Variants in TTC12 observed in about 807,000 individuals in gnomAD.
TTC12 encodes the protein tetratricopeptide repeat domain 12.
In TTC12, 70 loss-of-function variants were observed where a neutral mutation model predicts 90.1. The ratio of observed to expected loss-of-function variants is 0.78; its 90% CI spans 0.64 to 0.95. The LOEUF (loss-of-function observed/expected upper bound fraction) is 0.95. TTC12 is among the 40% of genes least tolerant of loss of function. The pLI is 0.00. For synonymous variants in TTC12, 296 were observed against 311.5 expected, an observed-to-expected ratio of 0.95 and a Z score of 0.53; for missense variants, 819 against 846.1, an observed-to-expected ratio of 0.97 and a Z score of 0.40.
At position 113,324,521 on chromosome 11, in the gene TTC12, A is replaced by C. The variant is rs1555140137; in HGVS notation, c.245-84A>C. On this transcript the variant is annotated intron_variant, in intron 4 of 21. Coordinates refer to ENST00000529221, the MANE Select transcript of TTC12 (RefSeq NM_017868.4). ...GTGCATATGCATACGTGTGGCTCTA[A>C]AGTAACACTTCGAATTTGAGCTAAA... 3 of 1,164,428 alleles carry C rather than the reference A, an allele frequency of 2.6e-6. No homozygotes were observed. In the African/African-American group the frequency reaches 4.6e-5, roughly 18 times the overall value. The allele number at this position is 1,164,428 out of a possible 1,614,324, so 72.1% of individuals were successfully genotyped here.
At chr11:113,362,354 G>C in intron 18 of TTC12, 47 bp from the exon 19 acceptor site, 1 of 1,431,572 alleles carries the variant, frequency 7.0e-7, no homozygotes, top group Non-Finnish European at 9.8e-7. Context: ...AAGGTTGTCA[G>C]CATTTCTGAA....
At chr11:113,370,363 C>G (rs80328901), downstream of TTC12, among the ~76,000 whole-genome samples, 593 of 152,346 alleles carry the variant, frequency 3.9e-3, 5 homozygotes, top group African/African-American at 0.013. Context: ...CTGCATCCCC[C>G]TACCCTCCCT....
intron 18 of TTC12, among the ~76,000 whole-genome samples, chr11:113,360,761 G>A (rs566972760): frequency 6.6e-6 from 1 of 152,274 alleles, no homozygotes; most frequent in African/African-American, 2.4e-5. Context: ...TGCAGACTGA[G>A]GACTGCCTCC....
rs1299877201 is a variant in TTC12 at position 113,338,586 on chromosome 11, C to G, written c.577-188C>G. Among the ~76,000 whole-genome samples the G allele has an allele frequency of 1.5e-4, 23 of 152,082 alleles. 1 individual carries two copies. Among genetic ancestry groups the G allele is most frequent in the Non-Finnish European group, 2.9e-5 (2 of 68,012 alleles). ...TAATTTTGAAATAATTCCTGTTGCCCCCTAGAACTGGAGACGCCTGAACAA... is the reference window on the plus strand; with the variant it reads ...TAATTTTGAAATAATTCCTGTTGCCGCCTAGAACTGGAGACGCCTGAACAA... On this transcript the variant is annotated intron_variant, in intron 8 of 21. Coordinates refer to ENST00000529221, the MANE Select transcript of TTC12 (RefSeq NM_017868.4).
At chr11:113,316,961 A>G (rs56412510) in intron 2 of TTC12, among the ~76,000 whole-genome samples, 3,022 of 152,334 alleles carry the variant, frequency 0.02, 92 homozygotes, top group African/African-American at 0.069. Context: ...TTACATAGTA[A>G]ATACAGGCAA....
chr11:113,332,384 C>T lies in TTC12; in HGVS notation c.504+2405C>T, dbSNP rs147581375. 4.0e-3 allele frequency among the ~76,000 whole-genome samples: 613 copies of T among 152,302 alleles called. 2 individuals are homozygous for T. The highest frequency in any genetic ancestry group is 0.014 in the African/African-American group (566 of 41,560). ...ACTATCTGCACTTCACGGTGACACA[C>T]GATAGGCTGGGGGACAAGGCTTTAA... On this transcript the variant is annotated intron_variant, in intron 7 of 21. Transcript: ENST00000529221.
At chr11:113,361,161 G>C (rs1949901789) in intron 18 of TTC12, among the ~76,000 whole-genome samples, 3 of 152,194 alleles carry the variant, frequency 2.0e-5, no homozygotes, top group African/African-American at 7.2e-5. Context: ...GGCCTGAAAG[G>C]GGATCCGTGG....
At chr11:113,354,505 G>C (rs782233123) in intron 16 of TTC12, among the ~76,000 whole-genome samples, 3 of 152,320 alleles carry the variant, frequency 2.0e-5, no homozygotes, top group South Asian at 2.1e-4. Context: ...ATGTTGAATA[G>C]GAGTGGTGGG....
At chr11:113,371,236 A>G (rs1350243039), downstream of TTC12, among the ~76,000 whole-genome samples, 2 of 152,354 alleles carry the variant, frequency 1.3e-5, no homozygotes, top group East Asian at 1.9e-4. Flanking sequence ...CAGGTCCCCT[A>G]TATGAAATGC....
Position 113,351,269 on chromosome 11 carries a change from A to C in TTC12, c.1278A>C (p.Pro426=), listed in dbSNP as rs1264534484. ...RFQVWFQANL[P]GVLPALTGVL... ...AAGTCTGGTTCCAGGCCAACCTTCCAGGTGTTCTCCCTGCACTCACAGGCG... is the reference window on the plus strand; with the variant it reads ...AAGTCTGGTTCCAGGCCAACCTTCCCGGTGTTCTCCCTGCACTCACAGGCG... Residue 426 remains proline (P), a synonymous_variant, in exon 15 of 22, where the codon CCA becomes CCC. Transcript: ENST00000529221. 6.2e-7 allele frequency: 1 copy of C among 1,614,046 alleles called. No individual in the cohort carries two copies. The highest frequency in any genetic ancestry group is 8.5e-7 in the Non-Finnish European group (1 of 1,180,004).
intron 18 of TTC12, 132 bp from the exon 19 acceptor site, chr11:113,362,269 G>T: frequency 1.6e-6 from 1 of 637,624 alleles, no homozygotes. Flanking sequence ...TCTATTATTT[G>T]GCCATCATAT....
intron 12 of TTC12, 109 bp downstream of exon 12, chr11:113,342,034 A>G (rs1948715262): frequency 2.2e-6 from 2 of 911,856 alleles, no homozygotes; most frequent in African/African-American, 1.6e-5. Context: ...GCTGATGTCT[A>G]GACTTCCGCA....
Position 113,365,051 on chromosome 11 carries a change from C to T in TTC12, c.2033C>T (p.Ala678Val). 1 of 1,613,748 alleles carries T rather than the reference C, an allele frequency of 6.2e-7. No homozygotes were observed. Among genetic ancestry groups the T allele is most frequent in the Non-Finnish European group, 8.5e-7 (1 of 1,179,794 alleles). Reference protein sequence around the residue: ...AGIALGKLCTAEPRFAAQLRK... With the variant: ...AGIALGKLCTVEPRFAAQLRK... ...ATTGCTCTGGGGAAGCTGTGCACAG[C>T]TGAGCCCAGGTATGCTGTGGACACG... The change falls in exon 21 of 22, where the codon GCT (alanine) becomes GTT (valine). Residue 678 changes from alanine to valine, a missense_variant. Physicochemically the swap from Ala to Val is moderately conservative, Grantham distance 64 (BLOSUM62 0). Coordinates refer to ENST00000529221, the MANE Select transcript of TTC12 (RefSeq NM_017868.4).
intron 6 of TTC12, chr11:113,329,501 G>A (rs1025022126): frequency 6.9e-6 from 3 of 435,692 alleles, no homozygotes; most frequent in South Asian, 1.7e-5. Context: ...GAGAAGGAAG[G>A]AGGAAAAGTG....
intron 2 of TTC12, among the ~76,000 whole-genome samples, chr11:113,316,895 C>T (rs1217882467): frequency 6.6e-6 from 1 of 152,236 alleles, no homozygotes; most frequent in African/African-American, 2.4e-5. Context: ...CTGTCAGTCC[C>T]TGTTCAGGGA....
At chr11:113,329,811 A>T in intron 6 of TTC12, 109 bp from the exon 7 acceptor site, 1 of 897,926 alleles carries the variant, frequency 1.1e-6, no homozygotes, top group Non-Finnish European at 1.9e-6. Context: ...TGATCCAGGT[A>T]GGGGATAGTT....
In TTC12 at chr11:113,323,402, G is replaced by A. The variant is rs781900949; in HGVS notation, c.173G>A (p.Arg58Lys). 6 of 1,612,680 alleles carry A rather than the reference G, an allele frequency of 3.7e-6. No individual in the cohort carries two copies. Among genetic ancestry groups the A allele is most frequent in the Non-Finnish European group, 5.1e-6 (6 of 1,179,612 alleles). Residue 58 changes from arginine to lysine, a missense_variant, in exon 3 of 22, where the codon AGG becomes AAG. By Grantham distance (26) the Arg-to-Lys change is conservative. Coordinates refer to ENST00000529221, the MANE Select transcript of TTC12 (RefSeq NM_017868.4). The part of the protein sequence containing the change: ...MEEDQEEDEC[R>K]TTLNKTMISP... ...GAAGACCAGGAGGAGGATGAATGCA[G>A]GACCACCTTGAACAAGACTATGATC...
In TTC12 at chr11:113,339,289, A is replaced by T. The variant is rs782488120; in HGVS notation, c.641A>T (p.Tyr214Phe). 1.3e-6 allele frequency: 2 copies of T among 1,598,080 alleles called. No individual in the cohort carries two copies. The highest frequency in any genetic ancestry group is 4.5e-5 in the East Asian group (2 of 44,714). ...NPKLQTQVKGYLNQVDLQEKA... is the reference protein window; with the variant it reads ...NPKLQTQVKGFLNQVDLQEKA... ...CTTTCCTTTCTTGTTTTTCTAGGTT[A>T]CCTGAATCAAGTAGATCTTCAGGAA... Residue 214 changes from tyrosine to phenylalanine, a missense_variant, in exon 10 of 22, where the codon TAC (tyrosine) becomes TTC (phenylalanine). Physicochemically the swap from Tyr to Phe is conservative, Grantham distance 22. Transcript: ENST00000529221.
intron 8 of TTC12, among the ~76,000 whole-genome samples, chr11:113,335,634 T>C (rs1451761773): frequency 6.6e-6 from 1 of 152,208 alleles, no homozygotes; most frequent in Non-Finnish European, 1.5e-5. Flanking sequence ...TTTCTGTCTC[T>C]ATACATTTGC....
Sources: gnomAD v4.1 joint callset for allele counts (sites outside exome capture counted in the v4.1 genomes callset) on GRCh38, gnomAD v4.1.1 for gene constraint, MANE v1.5 for transcripts, NCBI Gene and HGNC (gene_info 2026-07-23, HGNC 2026-07-21) for gene names.